The following KREMEN1 variants were observed in gnomAD, a reference collection of about 807,000 sequenced individuals.
KREMEN1 encodes the protein kremen protein 1.
KREMEN1 carries 30 observed loss-of-function variants against 46.5 expected under a neutral mutation model. That is an observed-to-expected ratio of 0.65 (90% CI 0.48 to 0.88). The LOEUF (loss-of-function observed/expected upper bound fraction) is 0.88. Among genes scored for constraint, KREMEN1 ranks in the 40% least tolerant of loss-of-function variants. The pLI is 0.00. For synonymous variants in KREMEN1, 214 were observed against 230.6 expected, an observed-to-expected ratio of 0.93 and a Z score of 0.65; for missense variants, 533 against 596.9, an observed-to-expected ratio of 0.89 and a Z score of 1.11.
Position 29,141,994 on chromosome 22 carries a change from G to A in KREMEN1, c.1259G>A (p.Gly420Glu), listed in dbSNP as rs780288229. ...GACCTTAGGGATTGTCATCAACCAG[G>A]GACTTCGGGGGAAATCTGGAGCATT... ...SGDLRDCHQP[G>E]TSGEIWSIFY... The change falls in exon 9 of 9, where the codon GGG becomes GAG. Residue 420 changes from glycine to glutamate, a missense_variant. Coordinates refer to ENST00000400335, the MANE Select transcript of KREMEN1 (RefSeq NM_001039570.3). The A allele has an allele frequency of 1.2e-6, 2 of 1,613,170 alleles. No individual in the cohort carries two copies. Among genetic ancestry groups the A allele is most frequent in the Middle Eastern group, 1.7e-4 (1 of 6,054 alleles).
Position 29,138,731 on chromosome 22 carries a change from G to C in KREMEN1, c.1072G>C (p.Val358Leu). 6.2e-7 allele frequency: 1 copy of C among 1,614,192 alleles called. No homozygotes were observed. The highest frequency in any genetic ancestry group is 8.5e-7 in the Non-Finnish European group (1 of 1,180,040). The change falls in exon 7 of 9, where the codon GTC (valine) becomes CTC (leucine). Residue 358 changes from valine to leucine, a missense_variant. By Grantham distance (32) the Val-to-Leu change is conservative (BLOSUM62 1). Coordinates refer to ENST00000400335, the MANE Select transcript of KREMEN1 (RefSeq NM_001039570.3). ...LSVSAARSSK[V>L]LYVITTSPSH... is the part of the protein sequence containing the mutation. ...TGTCAGCGCTGCCCGGTCCTCCAAA[G>C]TCCTCTATGTCATCACCACCAGCCC...
chr22:29,164,557 C>G (rs1294556667), intron 9 of KREMEN1, among the ~76,000 whole-genome samples: 1 of 151,966 alleles, frequency 6.6e-6, no homozygotes, highest in African/African-American at 2.4e-5. Context: ...ACCAGCCTGG[C>G]CAACACAGTG....
In KREMEN1 at chr22:29,073,303, G is replaced by C. The variant is rs2037504247; in HGVS notation, c.97+76G>C. The C allele has an allele frequency of 3.8e-6, 2 of 532,406 alleles. No individual in the cohort carries two copies. Among genetic ancestry groups the C allele is most frequent in the Non-Finnish European group, 5.2e-6 (2 of 383,426 alleles). The allele number at this position is 532,406 out of a possible 1,614,324, so 33.0% of individuals were successfully genotyped here. On this transcript the variant is annotated intron_variant, in intron 1 of 8. Coordinates refer to ENST00000400335, the MANE Select transcript of KREMEN1 (RefSeq NM_001039570.3). This position sits in a 1 kb window ranked among gnomAD's most constrained non-coding sequence, Gnocchi z 4.4. ...GGGCGACAAGGGCCGGCCGGCCTGA[G>C]AGCCCCCTCCCTCCCGCTTCAGGAC...
At chr22:29,133,746 T>C (rs997116464) in intron 5 of KREMEN1, among the ~76,000 whole-genome samples, 1 of 152,164 alleles carries the variant, frequency 6.6e-6, no homozygotes, top group African/African-American at 2.4e-5. Context: ...TTTGTCACCT[T>C]TTACTGATTT....
In KREMEN1 at chr22:29,073,478, C is replaced by G. The variant is rs1284694971; in HGVS notation, c.97+251C>G. Among the ~76,000 whole-genome samples the G allele has an allele frequency of 6.6e-6, 1 of 152,066 alleles. No homozygotes were observed. Among genetic ancestry groups the G allele is most frequent in the African/African-American group, 2.4e-5 (1 of 41,416 alleles). ...CAGGACCCGGTGCTCCTCAGCGACG[C>G]CCCTCAGCCCAGGAGGCCCTCTCCG... On this transcript the variant is annotated intron_variant, in intron 1 of 8. Transcript: ENST00000400335. This position sits in a 1 kb window ranked among gnomAD's most constrained non-coding sequence, Gnocchi z 4.4.
At chr22:29,087,134 T>G (rs1471946581) in intron 1 of KREMEN1, among the ~76,000 whole-genome samples, 1 of 152,216 alleles carries the variant, frequency 6.6e-6, no homozygotes. Flanking sequence ...CATAGACTTT[T>G]TTAAAGAACG....
At chr22:29,076,707 C>T (rs1187824569) in intron 1 of KREMEN1, among the ~76,000 whole-genome samples, 1 of 152,096 alleles carries the variant, frequency 6.6e-6, no homozygotes, top group Non-Finnish European at 1.5e-5. Flanking sequence ...AAAAAATTAG[C>T]CGGGCATGGT....
intron 1 of KREMEN1, among the ~76,000 whole-genome samples, chr22:29,085,263 A>T (rs1202330160): frequency 6.6e-6 from 1 of 152,218 alleles, no homozygotes; most frequent in Non-Finnish European, 1.5e-5. Context: ...AGTATAAGGA[A>T]GTCCCATGTA....
At chr22:29,117,048 G>T (rs990968585) in intron 3 of KREMEN1, among the ~76,000 whole-genome samples, 2 of 152,172 alleles carry the variant, frequency 1.3e-5, no homozygotes, top group East Asian at 3.8e-4. Context: ...TAACCACTTG[G>T]CTTAGAGGGG....
chr22:29,100,528 TAAAC>T (rs956118617), intron 3 of KREMEN1, among the ~76,000 whole-genome samples: 14 of 152,212 alleles, frequency 9.2e-5, no homozygotes, highest in African/African-American at 3.1e-4. Context: ...CTGGTATAAA[TAAAC>T]ACACTGCACT....
In KREMEN1 at chr22:29,144,944, CA is replaced by C. The variant is rs1396918037; in HGVS notation, c.*2833del. ...CTTCCTGCCTCGCCCTGGCATGGCC[CA>C]GCGCCTCTAGGATCAACTTACGATC... On this transcript the variant is annotated 3_prime_UTR_variant, in exon 9 of 9. Transcript: ENST00000400335. The C allele has an allele frequency of 1.3e-5, 13 of 985,436 alleles. No individual in the cohort carries two copies. The highest frequency in any genetic ancestry group is 1.6e-5 in the Non-Finnish European group (13 of 830,020). 61.0% of individuals were successfully genotyped at this position (985,436 alleles called of 1,614,324 possible). A position where few individuals can be genotyped will look rare whatever the true frequency, so the allele number is the denominator to read the frequency against.
intron 1 of KREMEN1, among the ~76,000 whole-genome samples, chr22:29,078,271 C>T (rs1025154598): frequency 6.6e-6 from 1 of 152,014 alleles, no homozygotes; most frequent in Admixed American, 6.6e-5. Flanking sequence ...AACAAACAAA[C>T]AAACAAACAA....
At chr22:29,132,813 T>C (rs1392337660) in intron 5 of KREMEN1, among the ~76,000 whole-genome samples, 2 of 152,254 alleles carry the variant, frequency 1.3e-5, no homozygotes, top group African/African-American at 4.8e-5. Flanking sequence ...TTGATTTCTG[T>C]GCTGACAGCT....
At chr22:29,131,748 GTATATA>G (rs1569331634) in intron 5 of KREMEN1, among the ~76,000 whole-genome samples, 14 of 130,292 alleles carry the variant, frequency 1.1e-4, no homozygotes, top group African/African-American at 4.2e-4. Context: ...GTATATATAT[GTATATA>G]TGTATATATA....
chr22:29,165,472 C>G lies in KREMEN1; in HGVS notation c.1417-1572C>G, dbSNP rs373678462. ...ACATCCAATTGGTACAGAAGCCAGC[C>G]CTATTCAGTATGGGAGGTGACCGTA... On this transcript the variant is annotated intron_variant, in intron 9 of 9. Coordinates refer to the KREMEN1 transcript ENST00000327813. Among the ~76,000 whole-genome samples the G allele has an allele frequency of 4.8e-5, 7 of 146,384 alleles. No homozygotes were observed. The East Asian group carries it at 9.7e-4, about 20-fold the overall frequency.
At chr22:29,131,558 ATATGTGTG>A (rs1452040280) in intron 5 of KREMEN1, among the ~76,000 whole-genome samples, 26 of 59,650 alleles carry the variant, frequency 4.4e-4, no homozygotes, top group Middle Eastern at 7.9e-3. Context: ...ATATATATAT[ATATGTGTG>A]TGTGTGTGTG....
At chr22:29,090,794 A>G (rs2037792674) in intron 1 of KREMEN1, among the ~76,000 whole-genome samples, 1 of 152,160 alleles carries the variant, frequency 6.6e-6, no homozygotes, top group African/African-American at 2.4e-5. Flanking sequence ...ATTGATATGT[A>G]CTGGGCAAGT....
At chr22:29,162,821 G>A (rs1490504110) in intron 9 of KREMEN1, among the ~76,000 whole-genome samples, 1 of 152,128 alleles carries the variant, frequency 6.6e-6, no homozygotes, top group Non-Finnish European at 1.5e-5. Flanking sequence ...TGTGCATTGC[G>A]GCACTATTCA....
chr22:29,099,027 C>T, intron 3 of KREMEN1, 74 bp downstream of exon 3: 1 of 1,117,228 alleles, frequency 9.0e-7, no homozygotes, highest in South Asian at 1.3e-5. Flanking sequence ...AGGCCCCTGC[C>T]AGAGGTCAGG....
Sources: allele counts gnomAD v4.1 joint callset (sites outside exome capture counted in the v4.1 genomes callset), GRCh38; gene constraint gnomAD v4.1.1; non-coding constraint Gnocchi (gnomAD v3.1); transcripts MANE v1.5; gene names NCBI Gene and HGNC (gene_info 2026-07-23, HGNC 2026-07-21).